The following OR2L13 variants were observed in gnomAD, a reference collection of about 807,000 sequenced individuals.
The protein encoded by OR2L13 is olfactory receptor family 2 subfamily L member 13.
Under a neutral mutation model 15.3 loss-of-function variants are expected in OR2L13, and 14 were observed. The observed-to-expected ratio is 0.91, with a 90% confidence interval of 0.60 to 1.43. OR2L13 has a LOEUF of 1.43. Ranked by LOEUF, OR2L13 falls within the 40% of genes most tolerant of loss-of-function variation. The probability of loss-of-function intolerance (pLI) is 0.00; values close to 1 mark genes in which losing one functional copy is unlikely to be tolerated. For missense variants in OR2L13, 367 were observed against 387.9 expected (o/e 0.95, Z 0.45); for synonymous variants, 152 against 142.9 (o/e 1.06, Z -0.45).
the OR2L13 span, chr1:248,013,690 G>A: frequency 6.6e-6 from 1 of 152,132 alleles, no homozygotes; most frequent in African/African-American, 2.4e-5. Context: ...TACGACTGCT[G>A]GCAGCCAACA....
the OR2L13 span, among the ~76,000 whole-genome samples, chr1:247,992,810 C>T: frequency 1.8e-3 from 277 of 152,066 alleles, no homozygotes; most frequent in African/African-American, 6.5e-3. Context: ...TAGGTCTTTG[C>T]TGTTGTGAAT....
At chr1:247,966,332 T>C in the OR2L13 span, 5 of 1,608,310 alleles carry the variant, frequency 3.1e-6, no homozygotes, top group East Asian at 2.2e-5. Flanking sequence ...TTCAGATCTC[T>C]GTATTGATTG....
At chr1:248,039,003 G>C in the OR2L13 span, 8 of 1,613,914 alleles carry the variant, frequency 5.0e-6, no homozygotes, top group Middle Eastern at 1.6e-4. Context: ...CCACCTCACT[G>C]TAGTGTCCTT....
chr1:248,006,471 G>T, the OR2L13 span, among the ~76,000 whole-genome samples: 1 of 152,028 alleles, frequency 6.6e-6, no homozygotes, highest in Non-Finnish European at 1.5e-5. Context: ...ATGAAACCAT[G>T]CATGGAGCCC....
At chr1:248,008,262 C>T in the OR2L13 span, among the ~76,000 whole-genome samples, 1 of 152,032 alleles carries the variant, frequency 6.6e-6, no homozygotes, top group Admixed American at 6.6e-5. Flanking sequence ...CTAGTGACAC[C>T]CCTAGAATTA....
chr1:248,090,556 T>C (rs1664572407), upstream of OR2L13, among the ~76,000 whole-genome samples: 1 of 152,144 alleles, frequency 6.6e-6, no homozygotes, highest in Admixed American at 6.5e-5. Flanking sequence ...TGTAGTTCCT[T>C]GGTTGGTTTG....
the OR2L13 span, among the ~76,000 whole-genome samples, chr1:247,997,298 T>A: frequency 2.6e-5 from 4 of 151,584 alleles, no homozygotes; most frequent in Non-Finnish European, 4.4e-5. Flanking sequence ...CTCTACTGAA[T>A]AAAAATTTAT....
the OR2L13 span, among the ~76,000 whole-genome samples, chr1:248,027,186 G>C: frequency 6.6e-6 from 1 of 152,150 alleles, no homozygotes; most frequent in African/African-American, 2.4e-5. Context: ...ATAGATAAGG[G>C]ACGAAATAAG....
At chr1:247,967,160 A>T in the OR2L13 span, among the ~76,000 whole-genome samples, 2 of 151,988 alleles carry the variant, frequency 1.3e-5, no homozygotes, top group African/African-American at 4.8e-5. Context: ...TTTTCAGAAA[A>T]TATTCTCTTA....
At chr1:247,993,065 T>C in the OR2L13 span, among the ~76,000 whole-genome samples, 1 of 152,146 alleles carries the variant, frequency 6.6e-6, no homozygotes, top group Non-Finnish European at 1.5e-5. Flanking sequence ...ATTATAGCCA[T>C]AGTGACTGGT....
the OR2L13 span, chr1:248,061,781 G>GTA: frequency 3.3e-6 from 2 of 597,468 alleles, no homozygotes; most frequent in Non-Finnish European, 5.4e-6. Flanking sequence ...ACATATATAT[G>GTA]TATATATAAC....
chr1:248,078,409 G>C, the OR2L13 span, among the ~76,000 whole-genome samples: 2 of 152,018 alleles, frequency 1.3e-5, no homozygotes, highest in African/African-American at 4.8e-5. Context: ...GGAGGCGGAA[G>C]TTGCAGTGAA....
the OR2L13 span, chr1:248,039,053 A>G: frequency 8.7e-5 from 141 of 1,613,978 alleles, 1 homozygote; most frequent in Admixed American, 1.3e-3. Context: ...TACGTCCAAG[A>G]TCCCTGCGAT....
At chr1:248,074,871 ATCT>A in the OR2L13 span, among the ~76,000 whole-genome samples, 58 of 151,326 alleles carry the variant, frequency 3.8e-4, no homozygotes, top group African/African-American at 1.2e-3. Context: ...ATAGACGAAA[ATCT>A]TCTTTTTTTA....
At chr1:248,088,556 A>G in the OR2L13 span, among the ~76,000 whole-genome samples, 1 of 152,120 alleles carries the variant, frequency 6.6e-6, no homozygotes, top group Non-Finnish European at 1.5e-5. Flanking sequence ...TTCTCCATCC[A>G]TGTTCATTGA....
the OR2L13 span, among the ~76,000 whole-genome samples, chr1:248,069,556 A>C: frequency 6.6e-6 from 1 of 152,298 alleles, no homozygotes; most frequent in South Asian, 2.1e-4. Context: ...CTAGGAAGAA[A>C]CCGCATCAAC....
the OR2L13 span, among the ~76,000 whole-genome samples, chr1:247,972,373 CAAAT>C: frequency 1.3e-5 from 2 of 148,690 alleles, no homozygotes; most frequent in East Asian, 2.0e-4. Context: ...CAACTAGCGA[CAAAT>C]AAAGAAGAAA....
chr1:248,085,281 C>T, the OR2L13 span, among the ~76,000 whole-genome samples: 1 of 151,604 alleles, frequency 6.6e-6, no homozygotes, highest in African/African-American at 2.4e-5. Flanking sequence ...AAAAAGCACT[C>T]GACATGGCAT....
At chr1:247,949,285 T>A in the OR2L13 span, 1,068 of 1,614,220 alleles carry the variant, frequency 6.6e-4, 4 homozygotes, top group African/African-American at 0.011. Context: ...TGTGTGCTGA[T>A]GATAACAGGG....
Sources: allele counts gnomAD v4.1 joint callset (sites outside exome capture counted in the v4.1 genomes callset), GRCh38; gene constraint gnomAD v4.1.1; transcripts MANE v1.5; gene names NCBI Gene and HGNC (gene_info 2026-07-23, HGNC 2026-07-21).